The following PCDH17 variants were observed in gnomAD, a reference collection of about 807,000 sequenced individuals.
The protein encoded by PCDH17 is protocadherin-17.
In PCDH17, 21 loss-of-function variants were observed where a neutral mutation model predicts 67.7. That is an observed-to-expected ratio of 0.31 (90% confidence interval 0.22 to 0.45). The LOEUF is 0.45. Ranked by LOEUF, PCDH17 falls within the 20% of genes least tolerant of loss-of-function variation. PCDH17 has a pLI of 1.00. For missense variants in PCDH17, 1,471 were observed against 1,564.8 expected (o/e 0.94, Z 1.01); for synonymous variants, 701 against 656.7 (o/e 1.07, Z -1.03).
At chr13:57,645,452 A>G (rs1593897244) in intron 1 of PCDH17, among the ~76,000 whole-genome samples, 2 of 151,786 alleles carry the variant, frequency 1.3e-5, no homozygotes, top group East Asian at 3.9e-4. Context: ...GACTAAGGCT[A>G]AAGTCTAAGA....
At chr13:57,652,035 T>G (rs1054882008) in intron 1 of PCDH17, among the ~76,000 whole-genome samples, 4 of 151,884 alleles carry the variant, frequency 2.6e-5, no homozygotes, top group Non-Finnish European at 5.9e-5. Context: ...TCCCAGCACT[T>G]TGGGAGGCTG....
chr13:57,664,402 T>C (rs1254602379), intron 1 of PCDH17, among the ~76,000 whole-genome samples: 1 of 152,212 alleles, frequency 6.6e-6, no homozygotes, highest in Non-Finnish European at 1.5e-5. Flanking sequence ...TGATTTCATT[T>C]CTTAGCTTAT....
chr13:57,668,782 C>T (rs1411230455), intron 3 of PCDH17, among the ~76,000 whole-genome samples: 1 of 151,972 alleles, frequency 6.6e-6, no homozygotes, highest in Non-Finnish European at 1.5e-5. Flanking sequence ...AGAAGATACA[C>T]TTAAATAATT....
At position 57,726,400 on chromosome 13, in the gene PCDH17, T is replaced by G. The variant is rs1338052123; in HGVS notation, c.*1106T>G. ...TTGTGTATTTTATTAAATTAATATA[T>G]AGTTGTGTTGCAAAAATATTTGGGC... On this transcript the variant is annotated 3_prime_UTR_variant, in exon 4 of 4. Coordinates refer to ENST00000377918, the MANE Select transcript of PCDH17 (RefSeq NM_001040429.3). 6.6e-6 allele frequency: 1 copy of G among 152,660 alleles called. No individual in the cohort carries two copies. Among genetic ancestry groups the G allele is most frequent in the African/African-American group, 2.4e-5 (1 of 41,464 alleles). 9.5% of individuals were successfully genotyped at this position (152,660 alleles called of 1,614,324 possible).
chr13:57,717,579 T>A (rs1316896747), intron 3 of PCDH17, among the ~76,000 whole-genome samples: 2 of 151,962 alleles, frequency 1.3e-5, no homozygotes, highest in Non-Finnish European at 2.9e-5. Context: ...GTGATTGGAT[T>A]CACTTGCTTA....
chr13:57,717,636 A>G (rs1238692443), intron 3 of PCDH17, among the ~76,000 whole-genome samples: 1 of 152,028 alleles, frequency 6.6e-6, no homozygotes, highest in African/African-American at 2.4e-5. Flanking sequence ...CCGTGGCAAT[A>G]CATTCAAAAG....
intron 3 of PCDH17, among the ~76,000 whole-genome samples, chr13:57,695,301 T>G (rs1471379646): frequency 1.3e-5 from 2 of 151,238 alleles, no homozygotes; most frequent in African/African-American, 4.8e-5. Flanking sequence ...CATATTTAGT[T>G]TGTAAATTTT....
At position 57,632,989 on chromosome 13, in the gene PCDH17, G is replaced by A. The variant is rs776260301; in HGVS notation, c.443G>A (p.Gly148Asp). Residue 148 changes from glycine (G) to aspartate (D), a missense_variant, in exon 1 of 4, where the codon GGC (glycine) becomes GAC (aspartate). Gly to Asp is a moderately conservative substitution (Grantham distance 94). This residue lies in a region of PCDH17 where 1,163 missense variants were observed against 1,230.0 expected (regional missense o/e 0.95). Coordinates refer to ENST00000377918, the MANE Select transcript of PCDH17 (RefSeq NM_001040429.3). ...EMDISENAAP[G>D]TRFPLTSAHD... ...GACATCTCGGAGAACGCTGCTCCGG[G>A]CACCCGCTTCCCCCTCACCAGCGCA... The A allele has an allele frequency of 9.3e-6, 15 of 1,613,140 alleles. No homozygotes were observed. The highest frequency in any genetic ancestry group is 4.4e-5 in the South Asian group (4 of 91,062).
At chr13:57,719,603 A>G (rs987809127) in intron 3 of PCDH17, among the ~76,000 whole-genome samples, 6 of 152,030 alleles carry the variant, frequency 3.9e-5, no homozygotes, top group Admixed American at 3.9e-4. Flanking sequence ...GCTCTCTAAA[A>G]TTTCCCTAAG....
At chr13:57,659,213 TG>T (rs1210686407) in intron 1 of PCDH17, among the ~76,000 whole-genome samples, 1 of 152,084 alleles carries the variant, frequency 6.6e-6, no homozygotes, top group Non-Finnish European at 1.5e-5. Flanking sequence ...TTTACTTAAA[TG>T]GTATGTTTGA....
At chr13:57,647,967 A>G (rs1472400757) in intron 1 of PCDH17, among the ~76,000 whole-genome samples, 1 of 151,998 alleles carries the variant, frequency 6.6e-6, no homozygotes, top group East Asian at 1.9e-4. Flanking sequence ...AAGAAACTTT[A>G]TAGTTAAACT....
chr13:57,676,976 T>G (rs994652932), intron 3 of PCDH17, among the ~76,000 whole-genome samples: 5 of 151,920 alleles, frequency 3.3e-5, no homozygotes, highest in African/African-American at 1.2e-4. Flanking sequence ...AGAAGAAACA[T>G]TTACTTGAAA....
At chr13:57,660,912 A>T (rs1055098688) in intron 1 of PCDH17, among the ~76,000 whole-genome samples, 2 of 152,170 alleles carry the variant, frequency 1.3e-5, no homozygotes, top group African/African-American at 2.4e-5. Flanking sequence ...ATGAATATGT[A>T]TGATGGTCTG....
chr13:57,635,857 C>G (rs557225916), intron 1 of PCDH17, among the ~76,000 whole-genome samples: 2 of 152,162 alleles, frequency 1.3e-5, no homozygotes, highest in East Asian at 3.9e-4. Context: ...CTGTGGTTAC[C>G]GTGATCTGTT....
chr13:57,632,207 A>G lies in PCDH17; in HGVS notation c.-340A>G. ...AGATTTCCTTCTTATCGCCTGCCTC[A>G]TCGCTCAAGTTTGAGCCTCCCGAAG... is the stretch of plus-strand genomic sequence containing the variant. On this transcript the variant is annotated 5_prime_UTR_variant, in exon 1 of 4. Coordinates refer to ENST00000377918, the MANE Select transcript of PCDH17 (RefSeq NM_001040429.3). The G allele has an allele frequency of 1.1e-5, 4 of 364,494 alleles. No homozygotes were observed. Among genetic ancestry groups the G allele is most frequent in the Non-Finnish European group, 1.5e-5 (3 of 198,904 alleles). 22.6% of individuals were successfully genotyped at this position (364,494 alleles called of 1,614,324 possible).
At chr13:57,654,144 T>C (rs1955075973) in intron 1 of PCDH17, among the ~76,000 whole-genome samples, 1 of 152,166 alleles carries the variant, frequency 6.6e-6, no homozygotes, top group South Asian at 2.1e-4. Context: ...GTTAAGAACC[T>C]AGACCTAGAT....
At chr13:57,690,046 TTAAAG>T (rs1955544209) in intron 3 of PCDH17, among the ~76,000 whole-genome samples, 2 of 151,814 alleles carry the variant, frequency 1.3e-5, no homozygotes, top group South Asian at 4.1e-4. Flanking sequence ...CCATAGGAAG[TTAAAG>T]TAAAATTAGT....
At position 57,634,915 on chromosome 13, in the gene PCDH17, C is replaced by T. The variant is rs776323799; in HGVS notation, c.2369C>T (p.Ser790Phe). Residue 790 changes from serine (S) to phenylalanine (F), a missense_variant, in exon 1 of 4, where the codon TCC (serine) becomes TTC (phenylalanine). By Grantham distance (155) the Ser-to-Phe change is radical. Around this residue, in one of 3 missense-constraint regions of PCDH17, gnomAD observed 1,163 missense variants for 1,230.0 expected, o/e 0.95. Transcript: ENST00000377918. This position sits in a 1 kb window ranked among gnomAD's most constrained non-coding sequence, Gnocchi z 7.8. ...GTCATGAACGTGGTGAGCAGCCCCT[C>T]CCTGGCCACCTCCCCCATGTACTTC... is the stretch of plus-strand genomic sequence containing the variant. Reference protein sequence around the residue: ...MNVMNVVSSPSLATSPMYFDY... With the variant: ...MNVMNVVSSPFLATSPMYFDY... 3 of 1,613,906 alleles carry T rather than the reference C, an allele frequency of 1.9e-6. No homozygotes were observed. Among genetic ancestry groups the T allele is most frequent in the Non-Finnish European group, 2.5e-6 (3 of 1,179,972 alleles).
At chr13:57,691,931 G>A (rs1189368530) in intron 3 of PCDH17, among the ~76,000 whole-genome samples, 1 of 151,042 alleles carries the variant, frequency 6.6e-6, no homozygotes, top group African/African-American at 2.4e-5. Flanking sequence ...ATATCAGACT[G>A]TCTTTCTATT....
Sources: allele counts gnomAD v4.1 joint callset (sites outside exome capture counted in the v4.1 genomes callset), GRCh38; gene constraint gnomAD v4.1.1; regional missense constraint gnomAD v4.1.1; non-coding constraint Gnocchi (gnomAD v3.1); transcripts MANE v1.5; gene names NCBI Gene and HGNC (gene_info 2026-07-23, HGNC 2026-07-21).